The following IGSF10 variants were observed in gnomAD, a reference collection of about 807,000 sequenced individuals.
IGSF10 encodes the protein immunoglobulin superfamily member 10.
Under a neutral mutation model 128.2 loss-of-function variants are expected in IGSF10, and 126 were observed. The ratio of observed to expected loss-of-function variants is 0.98; its 90% CI spans 0.85 to 1.14. The LOEUF (loss-of-function observed/expected upper bound fraction) is 1.14. IGSF10 is among the 50% of genes most tolerant of loss of function. The pLI is 0.00. For missense variants in IGSF10, 3,295 were observed against 3,149.8 expected (o/e 1.05, Z -1.10); for synonymous variants, 1,185 against 1,146.2 (o/e 1.03, Z -0.68).
chr3:151,493,559 A>G, the IGSF10 span, among the ~76,000 whole-genome samples: 2 of 152,316 alleles, frequency 1.3e-5, no homozygotes, highest in South Asian at 4.1e-4. Context: ...AGTATTCAGT[A>G]CAATAACATC....
In IGSF10 at chr3:151,444,947, G is replaced by A; in HGVS notation, c.5034C>T (p.Pro1678=). Residue 1678 remains proline (P), a synonymous_variant, in exon 6 of 8, where the codon CCC becomes CCT. Coordinates refer to ENST00000282466, the MANE Select transcript of IGSF10 (RefSeq NM_178822.5). The part of the protein sequence containing the change: ...LPCEAVGNPL[P]TIHWTRVPSG... Reference sequence around the variant, plus strand: ...ATGGGACTCTGGTCCAATGAATGGTGGGCAGGGGATTTCCAACAGCTTCAC... The same window carrying A: ...ATGGGACTCTGGTCCAATGAATGGTAGGCAGGGGATTTCCAACAGCTTCAC... 6.2e-7 allele frequency: 1 copy of A among 1,612,500 alleles called. No homozygotes were observed. The highest frequency in any genetic ancestry group is 2.2e-5 in the East Asian group (1 of 44,880).
the IGSF10 span, among the ~76,000 whole-genome samples, chr3:151,475,229 A>C: frequency 1.3e-5 from 2 of 152,216 alleles, no homozygotes; most frequent in Admixed American, 6.5e-5. Context: ...ATTGACACCC[A>C]AGAAGACATG....
At chr3:151,524,504 A>C in the IGSF10 span, among the ~76,000 whole-genome samples, 7 of 152,196 alleles carry the variant, frequency 4.6e-5, no homozygotes, top group African/African-American at 1.4e-4. Flanking sequence ...GGAGGCTATC[A>C]TCCTAAGCAA....
chr3:151,573,237 T>C, the IGSF10 span, among the ~76,000 whole-genome samples: 1 of 152,234 alleles, frequency 6.6e-6, no homozygotes, highest in African/African-American at 2.4e-5. Context: ...TGTAGATGTC[T>C]AGTAGGTCTG....
Position 151,448,881 on chromosome 3 carries a change from T to C in IGSF10, c.1100A>G (p.Asp367Gly). 4.3e-6 allele frequency: 7 copies of C among 1,614,206 alleles called. No individual in the cohort carries two copies. The highest frequency in any genetic ancestry group is 5.9e-6 in the Non-Finnish European group (7 of 1,180,036). Residue 367 changes from aspartate to glycine, a missense_variant, in exon 6 of 8, where the codon GAT becomes GGT. Asp to Gly is a moderately conservative substitution (Grantham distance 94). Transcript: ENST00000282466. The part of the protein sequence containing the change: ...SFSTFLVCNI[D>G]YGHIQPVWQI... ...CCACACTGGCTGAATGTGACCGTAA[T>C]CTATGTTGCACACCAAAAATGTTGA...
chr3:151,480,515 C>T, the IGSF10 span, among the ~76,000 whole-genome samples: 1 of 152,160 alleles, frequency 6.6e-6, no homozygotes, highest in Admixed American at 6.5e-5. Context: ...GCACTGACCA[C>T]CTCCCTATGG....
the IGSF10 span, among the ~76,000 whole-genome samples, chr3:151,500,245 C>T: frequency 2.9e-4 from 44 of 152,068 alleles, no homozygotes; most frequent in Non-Finnish European, 1.0e-4. Flanking sequence ...TTCATAAATG[C>T]ACTAGATTAG....
In IGSF10 at chr3:151,443,443, A is replaced by G. The variant is rs1403991963; in HGVS notation, c.5504T>C (p.Ile1835Thr). 6.2e-7 allele frequency: 1 copy of G among 1,614,186 alleles called. No homozygotes were observed. The change falls in exon 7 of 8, where the codon ATA becomes ACA. Residue 1835 changes from isoleucine to threonine, a missense_variant. Coordinates refer to ENST00000282466, the MANE Select transcript of IGSF10 (RefSeq NM_178822.5). ...AACAGGTGGTGCTGCAATGACTTGT[A>G]TTTTAACCAGCAGTGAATCCTGGCC... ...PGGQDSLLVK[I>T]QVIAAPPVIL...
chr3:151,451,529 C>A (rs551392940), intron 5 of IGSF10, among the ~76,000 whole-genome samples: 1 of 152,306 alleles, frequency 6.6e-6, no homozygotes, highest in East Asian at 1.9e-4. Flanking sequence ...GAAAAAGTGC[C>A]TAATTCTGTG....
the IGSF10 span, among the ~76,000 whole-genome samples, chr3:151,468,665 T>C: frequency 1.3e-5 from 2 of 152,184 alleles, no homozygotes; most frequent in Admixed American, 6.5e-5. Context: ...CTATCTACCA[T>C]AAACCCCACT....
At position 151,437,826 on chromosome 3, in the gene IGSF10, A is replaced by C. The variant is rs374787532; in HGVS notation, c.6735T>G (p.Thr2245=). The change falls in exon 8 of 8, where the codon ACT becomes ACG. Residue 2245 remains threonine, a synonymous_variant. Transcript: ENST00000282466. The part of the protein sequence containing the change: ...PLINGLYTNR[T]VIKATAVRHS... ...GTCTCACAGCTGTGGCTTTAATAAC[A>C]GTTCTGTTTGTATACAGACCATTGA... is the stretch of plus-strand genomic sequence containing the variant. 2 of 1,614,018 alleles carry C rather than the reference A, an allele frequency of 1.2e-6. No homozygotes were observed. The highest frequency in any genetic ancestry group is 1.7e-6 in the Non-Finnish European group (2 of 1,180,008).
intron 7 of IGSF10, among the ~76,000 whole-genome samples, chr3:151,442,681 G>C (rs1339877969): frequency 6.6e-6 from 1 of 151,808 alleles, no homozygotes; most frequent in Non-Finnish European, 1.5e-5. Context: ...GAGCCACCGT[G>C]CCTGTCCTAC....
Position 151,436,795 on chromosome 3 carries a change from GT to G in IGSF10, c.7765del (p.Thr2589ProfsTer2). 6.2e-7 allele frequency: 1 copy of G among 1,614,098 alleles called. No homozygotes were observed. The highest frequency in any genetic ancestry group is 2.2e-5 in the East Asian group (1 of 44,876). On this transcript the variant is annotated frameshift_variant, in exon 8 of 8. Coordinates refer to ENST00000282466, the MANE Select transcript of IGSF10 (RefSeq NM_178822.5). LOFTEE classifies it low-confidence loss of function (END_TRUNC). ...HGSEQLHLQG[T>X]LVIQNPQTSD... ...GGTTTGGGGATTCTGAATGACTAGG[GT>G]ACCTTGTAAGTGAAGCTGCTCACTT...
chr3:151,558,002 T>TA, the IGSF10 span, among the ~76,000 whole-genome samples: 1 of 49,668 alleles, frequency 2.0e-5, no homozygotes, highest in Non-Finnish European at 3.5e-5. Context: ...ATAAAGTATA[T>TA]ATAATATATA....
the IGSF10 span, among the ~76,000 whole-genome samples, chr3:151,604,280 G>T: frequency 3.8e-3 from 576 of 151,762 alleles, 4 homozygotes; most frequent in African/African-American, 0.013. Context: ...GATGTTTATT[G>T]GCAGAAAGCA....
At chr3:151,530,355 T>G in the IGSF10 span, among the ~76,000 whole-genome samples, 14 of 151,994 alleles carry the variant, frequency 9.2e-5, no homozygotes, top group Admixed American at 2.6e-4. Context: ...ATTCAGGAAA[T>G]ACAGAGAACA....
At chr3:151,541,382 C>CAT in the IGSF10 span, among the ~76,000 whole-genome samples, 1 of 152,100 alleles carries the variant, frequency 6.6e-6, no homozygotes, top group Non-Finnish European at 1.5e-5. Flanking sequence ...TCAAAAAAAT[C>CAT]ATATTTTAGA....
At chr3:151,608,461 A>T in the IGSF10 span, among the ~76,000 whole-genome samples, 3 of 152,344 alleles carry the variant, frequency 2.0e-5, no homozygotes, top group South Asian at 6.2e-4. Flanking sequence ...TCATTGGAAG[A>T]GACCAATGAC....
At chr3:151,442,050 G>A (rs1720889304) in intron 7 of IGSF10, among the ~76,000 whole-genome samples, 1 of 152,198 alleles carries the variant, frequency 6.6e-6, no homozygotes, top group Non-Finnish European at 1.5e-5. Flanking sequence ...GACAGTGCGA[G>A]ACTCCGTCTC....
Sources: allele counts gnomAD v4.1 joint callset (sites outside exome capture counted in the v4.1 genomes callset), GRCh38; gene constraint gnomAD v4.1.1; transcripts MANE v1.5; gene names NCBI Gene and HGNC (gene_info 2026-07-23, HGNC 2026-07-21).